Variants in PPM1H observed in about 807,000 individuals in gnomAD.
The protein encoded by PPM1H is protein phosphatase, Mg2+/Mn2+ dependent 1H.
In PPM1H, 27 loss-of-function variants were observed where a neutral mutation model predicts 54.9. That is an observed-to-expected ratio of 0.49 (90% confidence interval 0.36 to 0.68). PPM1H has a LOEUF of 0.68. Ranked by LOEUF, PPM1H falls within the 30% of genes least tolerant of loss-of-function variation. The pLI is 0.00. For missense variants in PPM1H, 596 were observed against 667.8 expected, an observed-to-expected ratio of 0.89 and a Z score of 1.19; for synonymous variants, 305 against 270.8, an observed-to-expected ratio of 1.13 and a Z score of -1.24.
chr12:62,869,465 G>A (rs1209326627), intron 1 of PPM1H, among the ~76,000 whole-genome samples: 4 of 152,124 alleles, frequency 2.6e-5, no homozygotes, highest in Admixed American at 6.5e-5. Context: ...GAGTAACAGA[G>A]GGAGGATTTG....
intron 6 of PPM1H, among the ~76,000 whole-genome samples, chr12:62,717,460 A>G (rs1043253709): frequency 7.0e-6 from 1 of 142,058 alleles, no homozygotes; most frequent in Non-Finnish European, 1.5e-5. Context: ...GCAGAGAGAG[A>G]GAGAGAGAGA....
chr12:62,744,454 G>C (rs2076399220), intron 4 of PPM1H, among the ~76,000 whole-genome samples: 1 of 141,998 alleles, frequency 7.0e-6, no homozygotes, highest in African/African-American at 2.7e-5. Flanking sequence ...CTGGGCAACA[G>C]AGTGAGACTC....
intron 1 of PPM1H, among the ~76,000 whole-genome samples, chr12:62,920,623 C>CA (rs398055633): frequency 0.015 from 1,861 of 121,504 alleles, 28 homozygotes; most frequent in African/African-American, 0.044. Context: ...CACCCGGCAT[C>CA]AAAAAAAAAA....
At chr12:62,932,150 T>C (rs1872158716) in intron 1 of PPM1H, among the ~76,000 whole-genome samples, 1 of 151,660 alleles carries the variant, frequency 6.6e-6, no homozygotes, top group South Asian at 2.1e-4. Flanking sequence ...TGCCACTAAC[T>C]TTAAAATTTG....
In PPM1H at chr12:62,826,630, T is replaced by G. The variant is rs530387507; in HGVS notation, c.411+5484A>C. Among the ~76,000 whole-genome samples, 19 of 152,350 alleles carry G rather than the reference T, an allele frequency of 1.2e-4. No homozygotes were observed. The East Asian group carries it at 3.1e-3, about 25-fold the overall frequency. ...ATTTCATGTTATTTTATTAAAAATT[T>G]TAGGTTTTCTTTAACCTCCAAGGAA... On this transcript the variant is annotated intron_variant, in intron 2 of 9. Coordinates refer to ENST00000228705, the MANE Select transcript of PPM1H (RefSeq NM_020700.2).
chr12:62,739,543 T>C (rs2076370710), intron 4 of PPM1H, among the ~76,000 whole-genome samples: 1 of 152,230 alleles, frequency 6.6e-6, no homozygotes, highest in African/African-American at 2.4e-5. Flanking sequence ...CTAAAGCTAC[T>C]CTTAACTTTT....
chr12:62,874,968 C>T (rs1870109452), intron 1 of PPM1H, among the ~76,000 whole-genome samples: 1 of 152,224 alleles, frequency 6.6e-6, no homozygotes, highest in Admixed American at 6.5e-5. Flanking sequence ...AAACTCACCA[C>T]CAAATTGCAA....
In PPM1H at chr12:62,689,678, A is replaced by G. The variant is rs372613450; in HGVS notation, c.1245+21T>C. 1.5e-4 allele frequency: 243 copies of G among 1,591,630 alleles called. 1 individual carries two copies. Among genetic ancestry groups the G allele is most frequent in the Middle Eastern group, 1.5e-3 (9 of 6,008 alleles). ...AAAATGTTTTATTGCACAAAATATA[A>G]ACAAAAACCTCATGCGGTACCTCTG... On this transcript the variant is annotated intron_variant, in intron 8 of 9. Transcript: ENST00000228705.
At chr12:62,710,646 G>A (rs1565764564) in intron 6 of PPM1H, among the ~76,000 whole-genome samples, 1 of 151,938 alleles carries the variant, frequency 6.6e-6, no homozygotes, top group African/African-American at 2.4e-5. Context: ...TGTCTCTTCT[G>A]ACAGACAAGA....
chr12:62,898,870 T>C (rs1035021140), intron 1 of PPM1H, among the ~76,000 whole-genome samples: 3 of 152,204 alleles, frequency 2.0e-5, no homozygotes, highest in Non-Finnish European at 4.4e-5. Flanking sequence ...TACTCCTTAC[T>C]GAAGGAAAAC....
chr12:62,887,145 C>G (rs1005113278), intron 1 of PPM1H, among the ~76,000 whole-genome samples: 6 of 152,176 alleles, frequency 3.9e-5, no homozygotes, highest in African/African-American at 1.4e-4. Context: ...CCGGCTGAGA[C>G]AGAGGGACAG....
intron 3 of PPM1H, among the ~76,000 whole-genome samples, chr12:62,795,600 C>T (rs1458769891): frequency 2.0e-5 from 3 of 152,088 alleles, no homozygotes; most frequent in South Asian, 2.1e-4. Context: ...CCCACCACCA[C>T]GCCCAGCTAA....
chr12:62,816,072 T>G (rs936646757), intron 2 of PPM1H, among the ~76,000 whole-genome samples: 1 of 152,170 alleles, frequency 6.6e-6, no homozygotes, highest in Non-Finnish European at 1.5e-5. Flanking sequence ...TTTATTGAAA[T>G]TATACATGTC....
At position 62,924,919 on chromosome 12, in the gene PPM1H, TG is replaced by T. The variant is rs1429105056; in HGVS notation, c.245+9572del. On this transcript the variant is annotated intron_variant, in intron 1 of 9. Coordinates refer to ENST00000228705, the MANE Select transcript of PPM1H (RefSeq NM_020700.2). ...TTAGCCAGGTGTGGTGGCGCATGCC[TG>T]TGGTCGCAGCTACTAGGGAGGCAGA... Among the ~76,000 whole-genome samples, 8 of 152,074 alleles carry T rather than the reference TG, an allele frequency of 5.3e-5. 1 individual carries two copies. The highest frequency in any genetic ancestry group is 5.2e-4 in the Admixed American group (8 of 15,276).
At chr12:62,776,833 A>G (rs556538389) in intron 4 of PPM1H, among the ~76,000 whole-genome samples, 7 of 152,244 alleles carry the variant, frequency 4.6e-5, no homozygotes, top group Non-Finnish European at 1.0e-4. Flanking sequence ...AAGACAGGAT[A>G]GAGTTGAAGG....
chr12:62,879,488 C>T (rs1370058876), intron 1 of PPM1H, among the ~76,000 whole-genome samples: 4 of 152,128 alleles, frequency 2.6e-5, no homozygotes, highest in Non-Finnish European at 4.4e-5. Context: ...TGGAAACCAT[C>T]ATTCTCAGCA....
chr12:62,728,144 T>G (rs567843925), intron 5 of PPM1H, among the ~76,000 whole-genome samples: 4 of 152,224 alleles, frequency 2.6e-5, no homozygotes, highest in African/African-American at 7.2e-5. Flanking sequence ...AAATATCACC[T>G]GGGGGAAAAA....
At chr12:62,900,339 T>C (rs960354573) in intron 1 of PPM1H, among the ~76,000 whole-genome samples, 2 of 150,928 alleles carry the variant, frequency 1.3e-5, no homozygotes, top group Admixed American at 1.3e-4. Flanking sequence ...ACAAAGGACA[T>C]GAACCCTTGG....
At chr12:62,929,973 ATCAG>A (rs1343477856) in intron 1 of PPM1H, among the ~76,000 whole-genome samples, 1 of 152,120 alleles carries the variant, frequency 6.6e-6, no homozygotes, top group Non-Finnish European at 1.5e-5. Flanking sequence ...GCAAAGAGGT[ATCAG>A]TCAGTAAGAG....
Sources: allele counts gnomAD v4.1 joint callset (sites outside exome capture counted in the v4.1 genomes callset), GRCh38; gene constraint gnomAD v4.1.1; transcripts MANE v1.5; gene names NCBI Gene and HGNC (gene_info 2026-07-23, HGNC 2026-07-21).